KCNJ3: variants seen among roughly 807,000 people sequenced by gnomAD.
KCNJ3 encodes G protein-activated inward rectifier potassium channel 1.
In KCNJ3, 4 loss-of-function variants were observed where a neutral mutation model predicts 39.2. The ratio of observed to expected loss-of-function variants is 0.10; its 90% CI spans 0.05 to 0.23. KCNJ3 has a LOEUF of 0.23. Ranked by LOEUF, KCNJ3 falls within the 10% of genes least tolerant of loss-of-function variation. The pLI, the probability that KCNJ3 is intolerant of heterozygous loss-of-function variation, is 1.00. For missense variants in KCNJ3, 276 were observed against 634.9 expected (o/e 0.43, Z 6.08); for synonymous variants, 230 against 237.4 (o/e 0.97, Z 0.29).
At chr2:154,829,845 A>G (rs1276299453) in intron 2 of KCNJ3, among the ~76,000 whole-genome samples, 1 of 152,136 alleles carries the variant, frequency 6.6e-6, no homozygotes, top group Non-Finnish European at 1.5e-5. Flanking sequence ...GTGAGATGGT[A>G]TCTTATTGTG....
At chr2:154,742,992 T>C (rs997112237) in intron 2 of KCNJ3, among the ~76,000 whole-genome samples, 1 of 151,886 alleles carries the variant, frequency 6.6e-6, no homozygotes, top group Non-Finnish European at 1.5e-5. Flanking sequence ...AGGAGTTTTA[T>C]GGTTTTAATT....
At chr2:154,774,872 A>G (rs1686304855) in intron 2 of KCNJ3, among the ~76,000 whole-genome samples, 1 of 151,864 alleles carries the variant, frequency 6.6e-6, no homozygotes, top group Admixed American at 6.6e-5. Context: ...AACATCTCCC[A>G]ATGAATTTTA....
At chr2:154,710,489 C>T (rs995757805) in intron 2 of KCNJ3, among the ~76,000 whole-genome samples, 1 of 152,060 alleles carries the variant, frequency 6.6e-6, no homozygotes, top group African/African-American at 2.4e-5. Flanking sequence ...TTTCTGAGGA[C>T]AGTTAAGTTG....
intron 2 of KCNJ3, among the ~76,000 whole-genome samples, chr2:154,803,383 A>G (rs1476057818): frequency 2.6e-5 from 4 of 152,004 alleles, no homozygotes; most frequent in Non-Finnish European, 5.9e-5. Context: ...AATCATTCTC[A>G]AACCTTGGAC....
At chr2:154,741,576 A>G (rs1178055515) in intron 2 of KCNJ3, among the ~76,000 whole-genome samples, 1 of 151,866 alleles carries the variant, frequency 6.6e-6, no homozygotes. Context: ...TCCTCTGCTT[A>G]TGGAAGTAGG....
At chr2:154,748,554 G>A (rs1396458979) in intron 2 of KCNJ3, among the ~76,000 whole-genome samples, 5 of 151,966 alleles carry the variant, frequency 3.3e-5, no homozygotes, top group South Asian at 4.1e-4. Context: ...AGTGCCCTTC[G>A]TCCTGTGCCT....
At chr2:154,703,568 G>C (rs1279063932) in intron 1 of KCNJ3, among the ~76,000 whole-genome samples, 6 of 151,330 alleles carry the variant, frequency 4.0e-5, no homozygotes, top group African/African-American at 1.5e-4. Context: ...TTCTCCATAT[G>C]ACTATTATCA....
intron 2 of KCNJ3, among the ~76,000 whole-genome samples, chr2:154,751,353 A>G (rs1194472868): frequency 6.6e-6 from 1 of 152,024 alleles, no homozygotes; most frequent in Non-Finnish European, 1.5e-5. Flanking sequence ...TTACATATCA[A>G]AATAATTTCT....
chr2:154,716,781 A>G (rs1057112743), intron 2 of KCNJ3, among the ~76,000 whole-genome samples: 1 of 152,188 alleles, frequency 6.6e-6, no homozygotes, highest in Non-Finnish European at 1.5e-5. Flanking sequence ...CCTAGTAAAA[A>G]CATTTGATCT....
intron 2 of KCNJ3, among the ~76,000 whole-genome samples, chr2:154,846,878 T>C (rs1459731231): frequency 6.6e-6 from 1 of 152,212 alleles, no homozygotes; most frequent in Non-Finnish European, 1.5e-5. Flanking sequence ...TTCTGACAAA[T>C]ACAACTGGGC....
intron 2 of KCNJ3, among the ~76,000 whole-genome samples, chr2:154,800,105 C>T (rs1443953438): frequency 6.6e-6 from 1 of 152,150 alleles, no homozygotes; most frequent in Admixed American, 6.5e-5. Context: ...GTTTTCATTA[C>T]CCTTGATGCT....
chr2:154,753,089 T>C (rs547966430), intron 2 of KCNJ3, among the ~76,000 whole-genome samples: 5 of 152,070 alleles, frequency 3.3e-5, no homozygotes, highest in Non-Finnish European at 5.9e-5. Context: ...GATAAGAATT[T>C]TTCTCTAATG....
chr2:154,841,175 G>A (rs1195395323), intron 2 of KCNJ3, among the ~76,000 whole-genome samples: 3 of 152,122 alleles, frequency 2.0e-5, no homozygotes, highest in Admixed American at 6.6e-5. Flanking sequence ...GGACGTTTCT[G>A]CATTTATTGA....
chr2:154,825,878 T>G (rs1226039065), intron 2 of KCNJ3, among the ~76,000 whole-genome samples: 1 of 150,984 alleles, frequency 6.6e-6, no homozygotes, highest in East Asian at 1.9e-4. Context: ...TGCACCTGTT[T>G]TTTTTTTTTT....
chr2:154,852,625 T>A (rs938117490), intron 2 of KCNJ3, among the ~76,000 whole-genome samples: 1 of 152,134 alleles, frequency 6.6e-6, no homozygotes, highest in Non-Finnish European at 1.5e-5. Flanking sequence ...CTAGATACTT[T>A]TCTTTATCTT....
intron 2 of KCNJ3, among the ~76,000 whole-genome samples, chr2:154,851,824 AT>A (rs1687761338): frequency 6.6e-6 from 1 of 152,196 alleles, no homozygotes; most frequent in African/African-American, 2.4e-5. Context: ...TACCTTAATA[AT>A]TGATGGCCAG....
chr2:154,748,803 C>T (rs1685790553), intron 2 of KCNJ3, among the ~76,000 whole-genome samples: 2 of 152,032 alleles, frequency 1.3e-5, no homozygotes, highest in South Asian at 2.1e-4. Context: ...CTAGAAAACA[C>T]AAATCGTTTC....
intron 2 of KCNJ3, among the ~76,000 whole-genome samples, chr2:154,785,637 C>T (rs1246834892): frequency 1.3e-5 from 2 of 152,240 alleles, no homozygotes; most frequent in South Asian, 2.1e-4. Flanking sequence ...TCCCCAGATG[C>T]CAGTACAGTG....
intron 2 of KCNJ3, among the ~76,000 whole-genome samples, chr2:154,815,191 CT>C (rs199582010): frequency 3.3e-5 from 5 of 151,486 alleles, no homozygotes; most frequent in East Asian, 1.9e-4. Context: ...TTTTCTGTAT[CT>C]TTTTTTTTCT....
Sources: allele counts gnomAD v4.1 joint callset (sites outside exome capture counted in the v4.1 genomes callset), GRCh38; gene constraint gnomAD v4.1.1; transcripts MANE v1.5; gene names NCBI Gene and HGNC (gene_info 2026-07-23, HGNC 2026-07-21).